Variants in CCDC102B observed in about 807,000 individuals in gnomAD.
The protein encoded by CCDC102B is coiled-coil domain containing 102B, also known as coiled-coil domain-containing protein 102B.
Under a neutral mutation model 57.4 loss-of-function variants are expected in CCDC102B, and 75 were observed. The observed-to-expected ratio is 1.31, with a 90% CI of 1.08 to 1.58. CCDC102B has a LOEUF of 1.58. CCDC102B is among the 40% of genes most tolerant of loss of function. The probability of loss-of-function intolerance (pLI) is 0.00; values close to 1 mark genes in which losing one functional copy is unlikely to be tolerated. For synonymous variants in CCDC102B, 206 were observed against 201.9 expected (o/e 1.02, Z -0.17); for missense variants, 636 against 582.6 (o/e 1.09, Z -0.94).
At chr18:68,930,070 T>G (rs2041615545) in intron 6 of CCDC102B, among the ~76,000 whole-genome samples, 1 of 151,550 alleles carries the variant, frequency 6.6e-6, no homozygotes, top group Admixed American at 6.6e-5. Flanking sequence ...AGGACTAAGT[T>G]TGATAATTAT....
intron 6 of CCDC102B, among the ~76,000 whole-genome samples, chr18:68,967,046 C>A (rs2050182070): frequency 6.6e-6 from 1 of 152,114 alleles, no homozygotes; most frequent in African/African-American, 2.4e-5. Context: ...AACATACATC[C>A]CAATCTTCCC....
chr18:68,994,125 C>A (rs1482335105), intron 6 of CCDC102B, among the ~76,000 whole-genome samples: 1 of 151,858 alleles, frequency 6.6e-6, no homozygotes, highest in Non-Finnish European at 1.5e-5. Context: ...TTATTTAACT[C>A]ATATAAATTT....
chr18:68,791,835 T>TA (rs770666174), intron 2 of CCDC102B, among the ~76,000 whole-genome samples: 6 of 152,160 alleles, frequency 3.9e-5, no homozygotes, highest in Non-Finnish European at 5.9e-5. Flanking sequence ...AGCTGCTGAG[T>TA]AGCAGAACTA....
At chr18:68,985,128 A>G (rs2050690421) in intron 6 of CCDC102B, among the ~76,000 whole-genome samples, 1 of 152,180 alleles carries the variant, frequency 6.6e-6, no homozygotes, top group Admixed American at 6.6e-5. Flanking sequence ...TCACAAAGCA[A>G]ATGCTCTGTC....
intron 3 of CCDC102B, among the ~76,000 whole-genome samples, chr18:68,841,519 C>A (rs2037629389): frequency 6.6e-6 from 1 of 152,210 alleles, no homozygotes; most frequent in East Asian, 1.9e-4. Flanking sequence ...CTCTTATAGG[C>A]CTATGTGTAC....
intron 7 of CCDC102B, among the ~76,000 whole-genome samples, chr18:69,026,435 C>G (rs566108351): frequency 6.8e-6 from 1 of 147,938 alleles, no homozygotes; most frequent in Non-Finnish European, 1.5e-5. Flanking sequence ...CCAATGCACT[C>G]ACTCCAGCCT....
chr18:68,911,484 G>A (rs922378239), intron 6 of CCDC102B, among the ~76,000 whole-genome samples: 1 of 152,028 alleles, frequency 6.6e-6, no homozygotes, highest in South Asian at 2.1e-4. Context: ...CGGGCGCGGT[G>A]GCTCACGCCT....
chr18:68,724,178 T>A (rs530461171), intron 2 of CCDC102B, among the ~76,000 whole-genome samples: 6 of 152,156 alleles, frequency 3.9e-5, no homozygotes, highest in Admixed American at 1.3e-4. Flanking sequence ...AGGCACCAGG[T>A]CCTGAGGCTA....
chr18:68,897,661 C>G, intron 6 of CCDC102B: 1 of 1,435,886 alleles, frequency 7.0e-7, no homozygotes. Context: ...TCAAGATTTC[C>G]AAAAGGAAGA....
intron 6 of CCDC102B, among the ~76,000 whole-genome samples, chr18:68,944,467 G>T (rs1181805557): frequency 6.6e-6 from 1 of 150,590 alleles, no homozygotes; most frequent in Non-Finnish European, 1.5e-5. Flanking sequence ...TCTGATGAGG[G>T]CCTGCTTCCT....
Position 69,021,288 on chromosome 18 carries a change from A to T in CCDC102B, c.1434+10184A>T, listed in dbSNP as rs78682713. ...TAATTTGCACCCTGCTGATTTTAAG[A>T]TTATGAGAATAGTGATAGACTAAAA... On this transcript the variant is annotated intron_variant, in intron 7 of 7. Transcript: ENST00000360242. 1.1e-3 allele frequency among the ~76,000 whole-genome samples: 171 copies of T among 152,344 alleles called. 3 individuals are homozygous for T. The East Asian group carries it at 0.03, about 27-fold the overall frequency.
chr18:68,760,954 G>T (rs190048590), intron 2 of CCDC102B, among the ~76,000 whole-genome samples: 30 of 151,802 alleles, frequency 2.0e-4, no homozygotes, highest in African/African-American at 6.8e-4. Flanking sequence ...GCAGGCAAAA[G>T]AAAAAAAATT....
At chr18:68,744,631 C>A (rs2033539927) in intron 2 of CCDC102B, among the ~76,000 whole-genome samples, 1 of 152,076 alleles carries the variant, frequency 6.6e-6, no homozygotes, top group Admixed American at 6.6e-5. Context: ...AGGTCTCATA[C>A]CATGGATTCA....
rs566831283 is a variant in CCDC102B at position 68,831,843 on chromosome 18, G to A, written c.-15-4906G>A. Among the ~76,000 whole-genome samples the A allele has an allele frequency of 6.6e-5, 10 of 152,036 alleles. No individual in the cohort carries two copies. The East Asian group carries it at 1.5e-3, about 23-fold the overall frequency. On this transcript the variant is annotated intron_variant, in intron 1 of 7. Transcript: ENST00000360242. ...TACTCTTGCAAAAGTTCATATATAT[G>A]TATATATGCTTTAGATCTATACAAA... is the stretch of plus-strand genomic sequence containing the variant.
In CCDC102B at chr18:69,011,361, CATGT is replaced by C. The variant is rs564474097; in HGVS notation, c.1434+258_1434+261del. On this transcript the variant is annotated intron_variant, in intron 7 of 7. Coordinates refer to ENST00000360242, the MANE Select transcript of CCDC102B (RefSeq NM_024781.3). ...CAGCATGACCTTGTGTGCACGTGCG[CATGT>C]GTGTGTGTGTGTGTGTGTGTGTGTG... The C allele has an allele frequency of 1.6e-3, 484 of 305,758 alleles. 1 individual carries two copies. The South Asian group carries it at 0.023, about 14-fold the overall frequency. 18.9% of individuals were successfully genotyped at this position (305,758 alleles called of 1,614,324 possible). A position where few individuals can be genotyped will look rare whatever the true frequency, so the allele number is the denominator to read the frequency against.
chr18:68,763,464 T>G (rs569997831), intron 2 of CCDC102B, among the ~76,000 whole-genome samples: 1 of 151,684 alleles, frequency 6.6e-6, no homozygotes, highest in South Asian at 2.1e-4. Flanking sequence ...GCAGAAAGAG[T>G]CTTTGTATTC....
At chr18:68,888,847 A>G (rs1022948033) in intron 5 of CCDC102B, among the ~76,000 whole-genome samples, 2 of 152,166 alleles carry the variant, frequency 1.3e-5, no homozygotes, top group Non-Finnish European at 2.9e-5. Flanking sequence ...TTAGTAAGTC[A>G]TGTGTGGTAT....
intron 2 of CCDC102B, among the ~76,000 whole-genome samples, chr18:68,748,205 G>GGTGTGTGTGTGTGTGTGT (rs5825872): frequency 4.4e-5 from 6 of 137,502 alleles, no homozygotes; most frequent in Non-Finnish European, 9.4e-5. Flanking sequence ...TTATTAAACT[G>GGTGTGTGTGTGTGTGTGT]GTGTGTGTGT....
intron 3 of CCDC102B, among the ~76,000 whole-genome samples, chr18:68,844,816 T>G (rs1220204838): frequency 6.6e-6 from 1 of 151,914 alleles, no homozygotes; most frequent in Non-Finnish European, 1.5e-5. Flanking sequence ...GCAACTTGGG[T>G]GTCCTCAGCT....
Sources: allele counts gnomAD v4.1 joint callset (sites outside exome capture counted in the v4.1 genomes callset), GRCh38; gene constraint gnomAD v4.1.1; transcripts MANE v1.5; gene names NCBI Gene and HGNC (gene_info 2026-07-23, HGNC 2026-07-21).